Variants in TP53BP1 observed in about 807,000 individuals in gnomAD.
The protein encoded by TP53BP1 is tumor protein p53 binding protein 1.
In TP53BP1, 61 loss-of-function variants were observed where a neutral mutation model predicts 200.8. That is an observed-to-expected ratio of 0.30 (90% CI 0.25 to 0.38). The LOEUF (loss-of-function observed/expected upper bound fraction) is 0.38, where lower values mean the gene tolerates loss of function less well. Among genes scored for constraint, TP53BP1 ranks in the 10% least tolerant of loss-of-function variants. The pLI is 1.00. For missense variants in TP53BP1, 2,144 were observed against 2,371.9 expected (o/e 0.90, Z 2.00); for synonymous variants, 822 against 844.3 (o/e 0.97, Z 0.46).
chr15:43,405,483 A>G lies in TP53BP1; in HGVS notation c.*1900T>C, dbSNP rs923969406. 5.6e-6 allele frequency: 3 copies of G among 532,928 alleles called. No homozygotes were observed. The highest frequency in any genetic ancestry group is 4.8e-5 in the South Asian group (2 of 41,404). 33.0% of individuals were successfully genotyped at this position (532,928 alleles called of 1,614,324 possible). On this transcript the variant is annotated 3_prime_UTR_variant, in exon 28 of 28. Transcript: ENST00000382044. Reference sequence around the variant, plus strand: ...TTTGTTGGATATGTTCATTTATTCAATAGTCATTTATTGAGCACCTACTAC... The same window carrying G: ...TTTGTTGGATATGTTCATTTATTCAGTAGTCATTTATTGAGCACCTACTAC...
intron 10 of TP53BP1, 28 bp from the exon 11 acceptor site, chr15:43,470,094 A>G: frequency 1.3e-6 from 2 of 1,563,570 alleles, no homozygotes; most frequent in Non-Finnish European, 1.8e-6. Flanking sequence ...AAACAAATTG[A>G]GAAATATCAC....
intron 18 of TP53BP1, 117 bp downstream of exon 18, chr15:43,427,899 G>A: frequency 1.4e-6 from 1 of 735,078 alleles, no homozygotes; most frequent in Non-Finnish European, 2.2e-6. Flanking sequence ...AGAGGCTGCA[G>A]TGAAACAAAA....
In TP53BP1 at chr15:43,432,422, A is replaced by G; in HGVS notation, c.3447T>C (p.Ile1149=). ...TNKENPSKAL[I]ERPSQNNIGI... is the part of the protein sequence containing the mutation. ...CTATGTTATTTTGGCTGGGCCTTTC[A>G]ATCAAGGCCTTACTAGGATTTTCCT... The change falls in exon 17 of 28, where the codon ATT becomes ATC. Residue 1149 remains isoleucine, a synonymous_variant. Transcript: ENST00000382044. 2 of 1,614,140 alleles carry G rather than the reference A, an allele frequency of 1.2e-6. No individual in the cohort carries two copies. The highest frequency in any genetic ancestry group is 8.5e-7 in the Non-Finnish European group (1 of 1,180,012).
At chr15:43,450,410 C>T (rs1259235743) in intron 12 of TP53BP1, among the ~76,000 whole-genome samples, 4 of 152,116 alleles carry the variant, frequency 2.6e-5, no homozygotes, top group Non-Finnish European at 5.9e-5. Context: ...GAAGTCTACC[C>T]CAAAAGTCTG....
chr15:43,405,220 T>G lies in TP53BP1; in HGVS notation c.*2163A>C, dbSNP rs924219339. The G allele has an allele frequency of 6.2e-7, 1 of 1,614,162 alleles. No individual in the cohort carries two copies. Among genetic ancestry groups the G allele is most frequent in the Non-Finnish European group, 8.5e-7 (1 of 1,179,998 alleles). ...TTTGTAGTTTCGGGATGTGAAAATT[T>G]CTGGCTCATAAATTGAAATAACAGC... is the stretch of plus-strand genomic sequence containing the variant. On this transcript the variant is annotated 3_prime_UTR_variant, in exon 28 of 28. Transcript: ENST00000382044.
At chr15:43,422,174 C>G in intron 18 of TP53BP1, 48 bp from the exon 19 acceptor site, 1 of 1,583,306 alleles carries the variant, frequency 6.3e-7, no homozygotes, top group Middle Eastern at 1.7e-4. Context: ...CATAATAACA[C>G]AATGCTAATA....
intron 8 of TP53BP1, 143 bp from the exon 9 acceptor site, chr15:43,475,837 G>A (rs2078873274): frequency 2.0e-6 from 2 of 1,011,572 alleles, no homozygotes; most frequent in Non-Finnish European, 2.9e-6. Flanking sequence ...TCTAATTATA[G>A]TACAACGAAT....
chr15:43,425,106 A>G (rs1379532693), intron 18 of TP53BP1, among the ~76,000 whole-genome samples: 1 of 152,150 alleles, frequency 6.6e-6, no homozygotes, highest in Non-Finnish European at 1.5e-5. Flanking sequence ...GAAGGCCCTC[A>G]CCAGATGTAG....
chr15:43,424,571 A>C (rs965915055), intron 18 of TP53BP1, among the ~76,000 whole-genome samples: 1 of 152,232 alleles, frequency 6.6e-6, no homozygotes, highest in Non-Finnish European at 1.5e-5. Flanking sequence ...TGTGCTCAAT[A>C]AACGCTAGTC....
intron 11 of TP53BP1, among the ~76,000 whole-genome samples, chr15:43,457,550 T>C (rs1313637401): frequency 6.6e-6 from 1 of 151,608 alleles, no homozygotes; most frequent in Non-Finnish European, 1.5e-5. Context: ...TGGGCACCTG[T>C]AATCCCAGCT....
At position 43,464,592 on chromosome 15, in the gene TP53BP1, T is replaced by C. The variant is rs530014099; in HGVS notation, c.1389+5266A>G. Among the ~76,000 whole-genome samples the C allele has an allele frequency of 5.8e-4, 89 of 152,234 alleles. No homozygotes were observed. In the South Asian group the frequency reaches 0.012, roughly 20 times the overall value. On this transcript the variant is annotated intron_variant, in intron 11 of 27. Coordinates refer to ENST00000382044, the MANE Select transcript of TP53BP1 (RefSeq NM_001141980.3). The stretch of plus-strand genomic sequence containing the variant: ...GAGTAACTGTGGTATATCCACACAA[T>C]TGTATTATTCAGCAATAAAAAGGAA...
chr15:43,485,102 T>A (rs1368556882), intron 4 of TP53BP1, among the ~76,000 whole-genome samples: 3 of 152,200 alleles, frequency 2.0e-5, no homozygotes, highest in African/African-American at 7.2e-5. Flanking sequence ...TCCCCTTCCC[T>A]GCTATATTTA....
intron 6 of TP53BP1, 32 bp downstream of exon 6, chr15:43,479,827 C>G: frequency 1.2e-6 from 2 of 1,610,446 alleles, no homozygotes; most frequent in Non-Finnish European, 1.7e-6. Flanking sequence ...GAAAACACAA[C>G]AACTCCAAAT....
chr15:43,441,604 G>A (rs1480091338), intron 14 of TP53BP1, 21 bp from the exon 15 acceptor site: 2 of 1,573,910 alleles, frequency 1.3e-6, no homozygotes, highest in Admixed American at 3.3e-5. Context: ...ACAAAACCAA[G>A]GAGAGAAAGG....
At chr15:43,420,922 C>T in intron 20 of TP53BP1, 103 bp downstream of exon 20, 1 of 1,421,050 alleles carries the variant, frequency 7.0e-7, no homozygotes. Context: ...TCAGTATGGC[C>T]CCTCTTCTCC....
intron 15 of TP53BP1, among the ~76,000 whole-genome samples, chr15:43,439,316 T>C (rs1041214492): frequency 6.6e-6 from 1 of 152,156 alleles, no homozygotes; most frequent in African/African-American, 2.4e-5. Context: ...GCCAGGTGGA[T>C]CACTTGAGCT....
At chr15:43,496,284 T>C (rs1247153044), upstream of TP53BP1, among the ~76,000 whole-genome samples, 1 of 152,252 alleles carries the variant, frequency 6.6e-6, no homozygotes, top group African/African-American at 2.4e-5. Flanking sequence ...TCCTCTCATA[T>C]TGTCTTTAAC....
intron 4 of TP53BP1, among the ~76,000 whole-genome samples, chr15:43,484,716 T>C (rs2079021136): frequency 6.6e-6 from 1 of 151,948 alleles, no homozygotes; most frequent in African/African-American, 2.4e-5. Context: ...TGGATTACAC[T>C]TATCCCAGAT....
At chr15:43,421,234 G>C in intron 19 of TP53BP1, 60 bp from the exon 20 acceptor site, 8 of 1,574,562 alleles carry the variant, frequency 5.1e-6, no homozygotes, top group Non-Finnish European at 7.0e-6. Context: ...TCTTCACAAA[G>C]TCTCCCCTTG....
Sources: gnomAD v4.1 joint callset for allele counts (sites outside exome capture counted in the v4.1 genomes callset) on GRCh38, gnomAD v4.1.1 for gene constraint, MANE v1.5 for transcripts, NCBI Gene and HGNC (gene_info 2026-07-23, HGNC 2026-07-21) for gene names.